The following ATRN variants were observed in gnomAD, a reference collection of about 807,000 sequenced individuals.
ATRN encodes attractin-2.
ATRN carries 54 observed loss-of-function variants against 178.7 expected under a neutral mutation model. That is an observed-to-expected ratio of 0.30 (90% CI 0.24 to 0.38). The LOEUF (loss-of-function observed/expected upper bound fraction) is 0.38. Ranked by LOEUF, ATRN falls within the 10% of genes least tolerant of loss-of-function variation. The probability of loss-of-function intolerance (pLI) is 1.00; values close to 1 mark genes in which losing one functional copy is unlikely to be tolerated. For missense variants in ATRN, 1,443 were observed against 1,815.1 expected, an observed-to-expected ratio of 0.79 and a Z score of 3.73; for synonymous variants, 636 against 663.0, an observed-to-expected ratio of 0.96 and a Z score of 0.63.
At chr20:3,486,763 A>T (rs1335613915) in intron 1 of ATRN, among the ~76,000 whole-genome samples, 1 of 151,946 alleles carries the variant, frequency 6.6e-6, no homozygotes, top group Admixed American at 6.6e-5. Flanking sequence ...CTTTTGGTTG[A>T]TTGTATTAAC....
In ATRN at chr20:3,554,316, T is replaced by TATTTATTTATTC. The variant is rs2050847755; in HGVS notation, c.1112+4989_1112+4990insCATTTATTTATT. Among the ~76,000 whole-genome samples the TATTTATTTATTC allele has an allele frequency of 1.1e-4, 16 of 147,530 alleles. No individual in the cohort carries two copies. In the Middle Eastern group the frequency reaches 0.014, roughly 129 times the overall value. On this transcript the variant is annotated intron_variant, in intron 6 of 28. Coordinates refer to ENST00000262919, the MANE Select transcript of ATRN (RefSeq NM_139321.3). ...CTTAGATTACAGATTTTTATTTATT[T>TATTTATTTATTC]ATTTATTTATTTATTTATTTATTTA... is the stretch of plus-strand genomic sequence containing the variant.
intron 27 of ATRN, among the ~76,000 whole-genome samples, chr20:3,643,826 C>T (rs567695699): frequency 6.6e-6 from 1 of 152,334 alleles, no homozygotes; most frequent in African/African-American, 2.4e-5. Context: ...CTGTGACCTA[C>T]AGTTATGAAT....
intron 1 of ATRN, among the ~76,000 whole-genome samples, chr20:3,513,489 C>G (rs1003765348): frequency 1.3e-5 from 2 of 152,128 alleles, no homozygotes; most frequent in African/African-American, 4.8e-5. Flanking sequence ...GGTACCAGTA[C>G]CATGCTGTTT....
chr20:3,522,883 C>T (rs1324086661), intron 1 of ATRN, among the ~76,000 whole-genome samples: 2 of 152,042 alleles, frequency 1.3e-5, no homozygotes, highest in African/African-American at 4.8e-5. Context: ...ACAAAAAGGA[C>T]GTCCATACAG....
At chr20:3,559,574 G>T in intron 7 of ATRN, 91 bp downstream of exon 7, 1 of 1,067,326 alleles carries the variant, frequency 9.4e-7, no homozygotes, top group East Asian at 2.5e-5. Context: ...CTCAGTGTTG[G>T]TTTTTAATTG....
intron 26 of ATRN, among the ~76,000 whole-genome samples, chr20:3,635,270 C>T (rs776003028): frequency 3.3e-5 from 5 of 151,748 alleles, no homozygotes; most frequent in East Asian, 1.9e-4. Context: ...GTACACTGCT[C>T]GGGTGATAGG....
intron 6 of ATRN, among the ~76,000 whole-genome samples, chr20:3,549,770 G>A (rs948805140): frequency 6.6e-6 from 1 of 152,216 alleles, no homozygotes; most frequent in South Asian, 2.1e-4. Context: ...GAGAATATGT[G>A]TTGTCATAGT....
chr20:3,490,588 T>C (rs938975273), intron 1 of ATRN: 2 of 1,057,330 alleles, frequency 1.9e-6, no homozygotes, highest in African/African-American at 1.6e-5. Flanking sequence ...GAGGTAACAG[T>C]CACGGAGATC....
At chr20:3,542,753 A>G (rs1364449407) in intron 3 of ATRN, among the ~76,000 whole-genome samples, 1 of 151,294 alleles carries the variant, frequency 6.6e-6, no homozygotes, top group East Asian at 1.9e-4. Flanking sequence ...CAGCCTCCCC[A>G]GTAGCTGGGA....
chr20:3,636,813 C>T lies in ATRN; in HGVS notation c.3943-2015C>T, dbSNP rs182346582. Among the ~76,000 whole-genome samples the T allele has an allele frequency of 1.5e-3, 223 of 152,272 alleles. 3 individuals are homozygous for T. Among genetic ancestry groups the T allele is most frequent in the Non-Finnish European group, 2.9e-3 (194 of 68,028 alleles). On this transcript the variant is annotated intron_variant, in intron 26 of 28. Transcript: ENST00000262919. ...CTTCACAGCCCAAGTTCGTTATCTT[C>T]GTGTAATCCTACAGTCATTCAGCTT...
intron 10 of ATRN, among the ~76,000 whole-genome samples, chr20:3,564,832 C>G (rs952830694): frequency 1.3e-5 from 2 of 151,938 alleles, no homozygotes; most frequent in Non-Finnish European, 2.9e-5. Context: ...TTGGGAGGCC[C>G]AGGTGGGCAG....
intron 1 of ATRN, among the ~76,000 whole-genome samples, chr20:3,484,439 T>C (rs1444677428): frequency 1.3e-5 from 2 of 152,230 alleles, no homozygotes; most frequent in African/African-American, 4.8e-5. Flanking sequence ...TGATCTTTTA[T>C]CCACCTGTAA....
At chr20:3,500,305 A>G (rs2084939723) in intron 1 of ATRN, among the ~76,000 whole-genome samples, 1 of 152,146 alleles carries the variant, frequency 6.6e-6, no homozygotes, top group Admixed American at 6.5e-5. Flanking sequence ...AACTAGAAAT[A>G]CCATTTGACC....
At chr20:3,515,857 C>T (rs1350163425) in intron 1 of ATRN, among the ~76,000 whole-genome samples, 1 of 152,088 alleles carries the variant, frequency 6.6e-6, no homozygotes. Flanking sequence ...CCCAGGTAGA[C>T]GATGCAACTC....
At chr20:3,479,922 A>T (rs1568678171) in intron 1 of ATRN, among the ~76,000 whole-genome samples, 1 of 152,180 alleles carries the variant, frequency 6.6e-6, no homozygotes, top group African/African-American at 2.4e-5. Flanking sequence ...GTATGACATC[A>T]TCGTAACTTT....
At chr20:3,500,210 A>G (rs932515397) in intron 1 of ATRN, among the ~76,000 whole-genome samples, 6 of 152,218 alleles carry the variant, frequency 3.9e-5, no homozygotes, top group African/African-American at 1.4e-4. Context: ...ATGTGGAGAA[A>G]TAGGAACGCT....
intron 13 of ATRN, among the ~76,000 whole-genome samples, chr20:3,576,388 A>G (rs1344931158): frequency 6.6e-6 from 1 of 152,178 alleles, no homozygotes; most frequent in Non-Finnish European, 1.5e-5. Flanking sequence ...CTCATCATAT[A>G]TAGATTTTTA....
At chr20:3,631,593 G>C (rs1376951944) in intron 25 of ATRN, among the ~76,000 whole-genome samples, 1 of 152,108 alleles carries the variant, frequency 6.6e-6, no homozygotes, top group Non-Finnish European at 1.5e-5. Flanking sequence ...GCAGCAAGTA[G>C]AAGGGACTGG....
rs554749339 is a variant in ATRN at position 3,491,312 on chromosome 20, A to G, written c.410+19795A>G. On this transcript the variant is annotated intron_variant, in intron 1 of 28. Transcript: ENST00000262919. ...ATTTTCTCATTAACTTATGGCTGCT[A>G]GAGATCATAGGGGCAGCAGTGTCCA... Among the ~76,000 whole-genome samples the G allele has an allele frequency of 5.9e-5, 9 of 152,270 alleles. No individual in the cohort carries two copies. In the East Asian group the frequency reaches 1.2e-3, roughly 20 times the overall value.
Sources: gnomAD v4.1 joint callset for allele counts (sites outside exome capture counted in the v4.1 genomes callset) on GRCh38, gnomAD v4.1.1 for gene constraint, MANE v1.5 for transcripts, NCBI Gene and HGNC (gene_info 2026-07-23, HGNC 2026-07-21) for gene names.